PPM1H: variants seen among roughly 807,000 people sequenced by gnomAD.
PPM1H encodes protein phosphatase 1H.
A neutral mutation model predicts 54.9 loss-of-function variants in PPM1H; 27 were observed. That is an observed-to-expected ratio of 0.49 (90% CI 0.36 to 0.68). The LOEUF (loss-of-function observed/expected upper bound fraction) is 0.68, where lower values mean the gene tolerates loss of function less well. Ranked by LOEUF, PPM1H falls within the 30% of genes least tolerant of loss-of-function variation. The pLI is 0.00. For synonymous variants in PPM1H, 305 were observed against 270.8 expected (o/e 1.13, Z -1.24); for missense variants, 596 against 667.8 (o/e 0.89, Z 1.19).
At chr12:62,794,669 G>A (rs947242186) in intron 3 of PPM1H, among the ~76,000 whole-genome samples, 2 of 152,112 alleles carry the variant, frequency 1.3e-5, no homozygotes, top group Admixed American at 6.5e-5. Context: ...GGAGGGCAAA[G>A]GCTTCCTGTA....
chr12:62,714,905 A>G (rs534790271), intron 6 of PPM1H, among the ~76,000 whole-genome samples: 16 of 152,308 alleles, frequency 1.1e-4, no homozygotes, highest in Admixed American at 9.1e-4. Flanking sequence ...CCATCAGCCC[A>G]GGAACAGCTG....
intron 6 of PPM1H, among the ~76,000 whole-genome samples, chr12:62,699,353 C>T (rs528602000): frequency 1.7e-3 from 259 of 152,260 alleles, no homozygotes; most frequent in Non-Finnish European, 2.9e-3. Flanking sequence ...TGCGCCACTA[C>T]CCCCAGCTAA....
At chr12:62,700,917 G>A (rs1210592329) in intron 6 of PPM1H, among the ~76,000 whole-genome samples, 1 of 152,052 alleles carries the variant, frequency 6.6e-6, no homozygotes, top group East Asian at 1.9e-4. Context: ...CCCCTTTCCT[G>A]CTTTATTTTT....
At chr12:62,810,796 A>G (rs2120776110) in intron 2 of PPM1H, among the ~76,000 whole-genome samples, 1 of 152,350 alleles carries the variant, frequency 6.6e-6, no homozygotes, top group East Asian at 1.9e-4. Context: ...TGGGGAAGTT[A>G]CTTAACTTCT....
intron 4 of PPM1H, among the ~76,000 whole-genome samples, chr12:62,749,006 T>C (rs1046217962): frequency 5.3e-5 from 8 of 152,216 alleles, no homozygotes; most frequent in African/African-American, 1.9e-4. Flanking sequence ...CTCCAGTTAC[T>C]ACTTTTCTTC....
rs2075923268 is a variant in PPM1H at position 62,667,126 on chromosome 12, G to A, written c.1397+52C>T. On this transcript the variant is annotated intron_variant, in intron 9 of 9. Transcript: ENST00000228705. ...TTGCATGATTATTAATTTCAGGCATGTCATGGAAGAATGCTTGAGGAACAA... is the reference window on the plus strand; with the variant it reads ...TTGCATGATTATTAATTTCAGGCATATCATGGAAGAATGCTTGAGGAACAA... The A allele has an allele frequency of 2.0e-6, 3 of 1,487,560 alleles. 1 individual carries two copies. In the South Asian group the frequency reaches 3.7e-5, roughly 18 times the overall value. 92.1% of individuals were successfully genotyped at this position (1,487,560 alleles called of 1,614,324 possible).
At chr12:62,767,340 G>A (rs1380364320) in intron 4 of PPM1H, among the ~76,000 whole-genome samples, 1 of 152,184 alleles carries the variant, frequency 6.6e-6, no homozygotes, top group Non-Finnish European at 1.5e-5. Context: ...AGGGGAGGGA[G>A]GGGGAAGGGA....
rs1042611519 is a variant in PPM1H at position 62,818,527 on chromosome 12, C to A, written c.411+13587G>T. On this transcript the variant is annotated intron_variant, in intron 2 of 9. Coordinates refer to ENST00000228705, the MANE Select transcript of PPM1H (RefSeq NM_020700.2). ...TACAGCAGCTTTCCTAAGAGACAGT[C>A]TCATGAAAGTGTCTTTTGGAAGTGC... is the stretch of plus-strand genomic sequence containing the variant. Among the ~76,000 whole-genome samples, 33 of 150,254 alleles carry A rather than the reference C, an allele frequency of 2.2e-4. 1 individual carries two copies. The highest frequency in any genetic ancestry group is 9.0e-5 in the Non-Finnish European group (6 of 66,610).
chr12:62,674,305 T>A (rs142073324), intron 8 of PPM1H, among the ~76,000 whole-genome samples: 1 of 152,156 alleles, frequency 6.6e-6, no homozygotes, highest in Admixed American at 6.5e-5. Context: ...CAATAGTGTT[T>A]CCTGGCAGAA....
chr12:62,920,624 A>G (rs997333289), intron 1 of PPM1H, among the ~76,000 whole-genome samples: 1 of 129,642 alleles, frequency 7.7e-6, no homozygotes, highest in African/African-American at 3.0e-5. Flanking sequence ...ACCCGGCATC[A>G]AAAAAAAAAA....
intron 2 of PPM1H, among the ~76,000 whole-genome samples, chr12:62,831,805 A>ATATATGTG (rs1555199935): frequency 0.021 from 3,165 of 150,994 alleles, 117 homozygotes; most frequent in African/African-American, 0.073. Flanking sequence ...ACACACACAC[A>ATATATGTG]TATATATGTG....
chr12:62,857,238 A>G (rs201706227), intron 1 of PPM1H, among the ~76,000 whole-genome samples: 30 of 149,172 alleles, frequency 2.0e-4, no homozygotes, highest in Non-Finnish European at 1.2e-4. Context: ...ACAAACAAAT[A>G]AAGGAAGGAA....
chr12:62,898,724 C>T (rs908306568), intron 1 of PPM1H, among the ~76,000 whole-genome samples: 2 of 152,118 alleles, frequency 1.3e-5, no homozygotes, highest in African/African-American at 2.4e-5. Flanking sequence ...AATTACCAAC[C>T]CACATTTCTC....
intron 4 of PPM1H, among the ~76,000 whole-genome samples, chr12:62,766,152 G>T (rs1358821706): frequency 6.6e-6 from 1 of 152,152 alleles, no homozygotes; most frequent in East Asian, 1.9e-4. Context: ...GGGGTGGGGA[G>T]GGGGAATGCA....
chr12:62,800,558 C>T (rs867866156), intron 3 of PPM1H, among the ~76,000 whole-genome samples: 1 of 152,008 alleles, frequency 6.6e-6, no homozygotes, highest in South Asian at 2.1e-4. Context: ...AGGCTGGTCT[C>T]GAACTCCTGA....
At chr12:62,776,730 C>A (rs1385374494) in intron 4 of PPM1H, among the ~76,000 whole-genome samples, 1 of 152,220 alleles carries the variant, frequency 6.6e-6, no homozygotes, top group Non-Finnish European at 1.5e-5. Context: ...ACAACCCTGG[C>A]TCACTTCCAA....
intron 3 of PPM1H, among the ~76,000 whole-genome samples, chr12:62,795,019 A>G (rs934470262): frequency 2.7e-4 from 41 of 152,140 alleles, no homozygotes; most frequent in Non-Finnish European, 5.3e-4. Flanking sequence ...AGATACAATC[A>G]GGGGGTTGTA....
chr12:62,842,055 G>A (rs1482867997), intron 1 of PPM1H, among the ~76,000 whole-genome samples: 1 of 152,126 alleles, frequency 6.6e-6, no homozygotes, highest in Non-Finnish European at 1.5e-5. Flanking sequence ...GTCAGATGCT[G>A]GAACAATTCC....
intron 4 of PPM1H, among the ~76,000 whole-genome samples, chr12:62,747,205 C>T (rs964091367): frequency 1.3e-4 from 20 of 151,746 alleles, no homozygotes; most frequent in Admixed American, 4.6e-4. Flanking sequence ...GGCGCGATCT[C>T]GGCTCACTGC....
Sources: allele counts gnomAD v4.1 joint callset (sites outside exome capture counted in the v4.1 genomes callset), GRCh38; gene constraint gnomAD v4.1.1; transcripts MANE v1.5; gene names NCBI Gene and HGNC (gene_info 2026-07-23, HGNC 2026-07-21).